GATA2: variants seen among roughly 807,000 people sequenced by gnomAD.
GATA2 encodes endothelial transcription factor GATA-2.
Under a neutral mutation model 35.7 loss-of-function variants are expected in GATA2, and 6 were observed. The observed-to-expected ratio is 0.17, with a 90% CI of 0.09 to 0.33. GATA2 has a LOEUF of 0.33. GATA2 is among the 10% of genes least tolerant of loss of function. The pLI is 1.00. For synonymous variants in GATA2, 313 were observed against 274.9 expected (o/e 1.14, Z -1.37); for missense variants, 541 against 656.6 (o/e 0.82, Z 1.92).
intron 3 of GATA2, 108 bp downstream of exon 3, chr3:128,485,619 T>A: frequency 7.4e-7 from 1 of 1,343,554 alleles, no homozygotes; most frequent in Non-Finnish European, 1.0e-6. Context: ...ACATCACCCA[T>A]CCCCAGATCT....
At chr3:128,486,725 C>G (rs1220845410) in intron 2 of GATA2, 78 bp downstream of exon 2, 2 of 1,359,274 alleles carry the variant, frequency 1.5e-6, no homozygotes, top group East Asian at 2.5e-5. Flanking sequence ...ATCCGGGAAG[C>G]AAGCAGACGG....
At position 128,486,787 on chromosome 3, in the gene GATA2, C is replaced by G; in HGVS notation, c.229+16G>C. On this transcript the variant is annotated intron_variant, in intron 2 of 5. Transcript: ENST00000341105. ...CGCGGCGCCTGGGTTCTCATCACCA[C>G]GGGCCCAGTGCTCACCGTGCGCGGG... 1 of 1,585,598 alleles carries G rather than the reference C, an allele frequency of 6.3e-7. No homozygotes were observed. Among genetic ancestry groups the G allele is most frequent in the Non-Finnish European group, 8.6e-7 (1 of 1,166,662 alleles).
intron 1 of GATA2, among the ~76,000 whole-genome samples, chr3:128,491,199 G>A (rs939683026): frequency 9.7e-6 from 1 of 103,004 alleles, no homozygotes; most frequent in African/African-American, 4.3e-5. Context: ...AGGTCTCCCC[G>A]GCCGTCCAGC....
chr3:128,490,985 C>A (rs1328406053), intron 1 of GATA2, among the ~76,000 whole-genome samples: 1 of 152,212 alleles, frequency 6.6e-6, no homozygotes, highest in Non-Finnish European at 1.5e-5. Flanking sequence ...AACAAGATTT[C>A]TCTGAGGACT....
At position 128,493,197 on chromosome 3, in the gene GATA2, C is replaced by T. The variant is rs1486675821; in HGVS notation, c.-344G>A. On this transcript the variant is annotated 5_prime_UTR_variant, in exon 1 of 6. Coordinates refer to ENST00000341105, the MANE Select transcript of GATA2 (RefSeq NM_032638.5). ...CCTTCCTGGCGCTCACGCTGCCTCTCTCTCCCCCACCGGCCGCAACGCGGC... is the reference window on the plus strand; with the variant it reads ...CCTTCCTGGCGCTCACGCTGCCTCTTTCTCCCCCACCGGCCGCAACGCGGC... 6.6e-6 allele frequency: 1 copy of T among 152,192 alleles called. No homozygotes were observed. The highest frequency in any genetic ancestry group is 2.4e-5 in the African/African-American group (1 of 41,452). 9.4% of individuals were successfully genotyped at this position (152,192 alleles called of 1,614,324 possible). A position where few individuals can be genotyped will look rare whatever the true frequency, so the allele number is the denominator to read the frequency against.
chr3:128,482,150 C>T (rs2068638759), intron 4 of GATA2: 1 of 655,104 alleles, frequency 1.5e-6, no homozygotes, highest in Non-Finnish European at 2.6e-6. Context: ...ATAAAGAACT[C>T]TCAGAAGCCT....
chr3:128,491,222 CT>C (rs1428183628), intron 1 of GATA2, among the ~76,000 whole-genome samples: 13,396 of 90,430 alleles, frequency 0.15, 1,941 homozygotes, highest in South Asian at 0.17. Context: ...CCCCCCCCCT[CT>C]GAGCCCTTTG....
chr3:128,484,117 C>T (rs1210024584), intron 3 of GATA2, 112 bp from the exon 4 acceptor site: 32 of 1,384,836 alleles, frequency 2.3e-5, no homozygotes, highest in South Asian at 6.6e-5. Context: ...CTCAGGCACA[C>T]GGTTGGCCTG....
intron 1 of GATA2, chr3:128,492,273 ACGCCGTCTACGC>A (rs954083245): frequency 2.0e-5 from 3 of 152,168 alleles, no homozygotes; most frequent in African/African-American, 7.2e-5. Flanking sequence ...CAGATCCAGA[ACGCCGTCTACGC>A]CTACCGGCGG....
At chr3:128,491,881 G>C (rs2068772482) in intron 1 of GATA2, 1 of 152,250 alleles carries the variant, frequency 6.6e-6, no homozygotes. Flanking sequence ...GGTTTATTTG[G>C]AGCGGCCGGG....
At chr3:128,483,748 A>T in intron 4 of GATA2, 112 bp downstream of exon 4, 1 of 1,415,062 alleles carries the variant, frequency 7.1e-7, no homozygotes, top group Non-Finnish European at 9.9e-7. Context: ...TTCATGATAA[A>T]AGAGGATTTC....
At position 128,481,864 on chromosome 3, in the gene GATA2, C is replaced by T; in HGVS notation, c.1098G>A (p.Gly366=). ...GGCCACAGGCGTTGCAGACAGGGTCCCCGTTGGCGTTTCGGCGCCATAAGG... is the reference window on the plus strand; with the variant it reads ...GGCCACAGGCGTTGCAGACAGGGTCTCCGTTGGCGTTTCGGCGCCATAAGG... ...TTTLWRRNAN[G]DPVCNACGLY... The change falls in exon 5 of 6, where the codon GGG becomes GGA. Residue 366 remains glycine (G), a synonymous_variant. Transcript: ENST00000341105. 1.2e-6 allele frequency: 2 copies of T among 1,614,106 alleles called. No individual in the cohort carries two copies. Among genetic ancestry groups the T allele is most frequent in the Non-Finnish European group, 1.7e-6 (2 of 1,180,040 alleles).
intron 4 of GATA2, among the ~76,000 whole-genome samples, chr3:128,482,594 C>T (rs1274421284): frequency 6.6e-6 from 1 of 152,232 alleles, no homozygotes; most frequent in Non-Finnish European, 1.5e-5. Flanking sequence ...GTGGGCAGTG[C>T]AGACACAGAA....
Position 128,481,979 on chromosome 3 carries a change from C to T in GATA2, c.1018-35G>A. 1.9e-6 allele frequency: 3 copies of T among 1,609,578 alleles called. No homozygotes were observed. The South Asian group carries it at 3.3e-5, about 18-fold the overall frequency. On this transcript the variant is annotated intron_variant, in intron 4 of 5. Transcript: ENST00000341105. ...CAAGGCAGCGTCAGCAGGCTGGACT[C>T]CCACGCCCACCTCGACCCCCCTCCC... is the stretch of plus-strand genomic sequence containing the variant.
chr3:128,486,455 C>A, intron 2 of GATA2, 87 bp from the exon 3 acceptor site: 4 of 1,492,676 alleles, frequency 2.7e-6, no homozygotes, highest in Non-Finnish European at 3.6e-6. Flanking sequence ...ATTGAGATCA[C>A]GACTCCCAGA....
At chr3:128,485,205 G>A (rs975978109) in intron 3 of GATA2, among the ~76,000 whole-genome samples, 4 of 152,164 alleles carry the variant, frequency 2.6e-5, no homozygotes, top group Admixed American at 6.5e-5. Context: ...AAAATCTCCC[G>A]AGGAGATCAG....
At chr3:128,486,575 C>A (rs2068702621) in intron 2 of GATA2, among the ~76,000 whole-genome samples, 1 of 152,122 alleles carries the variant, frequency 6.6e-6, no homozygotes, top group Admixed American at 6.5e-5. Context: ...GGAACCCCAC[C>A]GGACAGACCC....
chr3:128,484,090 G>A (rs1452649666), intron 3 of GATA2, 85 bp from the exon 4 acceptor site: 27 of 1,537,126 alleles, frequency 1.8e-5, no homozygotes, highest in Middle Eastern at 2.0e-4. Context: ...GCAGCCAGCC[G>A]AGCAGTGCCG....
rs1351138709 is a variant in GATA2, at chr3:128,479,666, T to G, written c.*1353A>C. 1 of 233,574 alleles carries G rather than the reference T, an allele frequency of 4.3e-6. No individual in the cohort carries two copies. Among genetic ancestry groups the G allele is most frequent in the Admixed American group, 5.6e-5 (1 of 17,788 alleles). 14.5% of individuals were successfully genotyped at this position (233,574 alleles called of 1,614,324 possible). A position where few individuals can be genotyped will look rare whatever the true frequency, so the allele number is the denominator to read the frequency against. Reference sequence around the variant, plus strand: ...TGGCCGTGGTGCTCCCTGCAGCGACTGCCCGCCCATATTGCACTTGGTCAC... The same window carrying G: ...TGGCCGTGGTGCTCCCTGCAGCGACGGCCCGCCCATATTGCACTTGGTCAC... On this transcript the variant is annotated 3_prime_UTR_variant, in exon 6 of 6. Transcript: ENST00000341105.
Sources: allele counts gnomAD v4.1 joint callset (sites outside exome capture counted in the v4.1 genomes callset), GRCh38; gene constraint gnomAD v4.1.1; transcripts MANE v1.5; gene names NCBI Gene and HGNC (gene_info 2026-07-23, HGNC 2026-07-21).